The following TFPI variants were observed in gnomAD, a reference collection of about 807,000 sequenced individuals.
TFPI encodes anti-convertin.
In TFPI, 15 loss-of-function variants were observed where a neutral mutation model predicts 34.6. That is an observed-to-expected ratio of 0.43 (90% CI 0.29 to 0.67). The LOEUF (loss-of-function observed/expected upper bound fraction) is 0.67, where lower values mean the gene tolerates loss of function less well. Ranked by LOEUF, TFPI falls within the 30% of genes least tolerant of loss-of-function variation. The pLI is 0.15. For missense variants in TFPI, 301 were observed against 364.0 expected (o/e 0.83, Z 1.41); for synonymous variants, 105 against 120.1 (o/e 0.87, Z 0.82).
At chr2:187,528,255 C>T (rs779498408) in intron 1 of TFPI, among the ~76,000 whole-genome samples, 1 of 152,068 alleles carries the variant, frequency 6.6e-6, no homozygotes, top group Non-Finnish European at 1.5e-5. Flanking sequence ...CCTCTCACAG[C>T]TGGGAATAGG....
chr2:187,489,555 TAAG>T (rs927145558), intron 3 of TFPI, among the ~76,000 whole-genome samples: 57 of 151,606 alleles, frequency 3.8e-4, no homozygotes, highest in Middle Eastern at 3.4e-3. Flanking sequence ...ATTTAATTGA[TAAG>T]AAGAAAGAAA....
At chr2:187,501,207 T>C (rs1685827354) in intron 2 of TFPI, among the ~76,000 whole-genome samples, 1 of 152,134 alleles carries the variant, frequency 6.6e-6, no homozygotes, top group Admixed American at 6.6e-5. Context: ...GTCATATAAA[T>C]AGAATTATGG....
In TFPI at chr2:187,504,556, C is replaced by T. The variant is rs550536375; in HGVS notation, c.-2-786G>A. Among the ~76,000 whole-genome samples, 8 of 142,014 alleles carry T rather than the reference C, an allele frequency of 5.6e-5. No individual in the cohort carries two copies. In the South Asian group the frequency reaches 1.8e-3, roughly 33 times the overall value. 93.2% of individuals were successfully genotyped at this position (142,014 alleles called of 152,430 possible). A position where few individuals can be genotyped will look rare whatever the true frequency, so the allele number is the denominator to read the frequency against. On this transcript the variant is annotated intron_variant, in intron 1 of 7. Transcript: ENST00000233156. ...GTTTCAACGTTGTTTAAAGATCTAT[C>T]GCCAAAAAGGAAAAAAAAAAAAAAG...
chr2:187,505,918 C>T (rs1228692242), intron 1 of TFPI, among the ~76,000 whole-genome samples: 2 of 150,394 alleles, frequency 1.3e-5, no homozygotes, highest in Non-Finnish European at 2.9e-5. Context: ...GGGTGTTAGA[C>T]AGATAAATGA....
At position 187,473,340 on chromosome 2, in the gene TFPI, G is replaced by A. The variant is rs183161461; in HGVS notation, c.629-5408C>T. On this transcript the variant is annotated intron_variant, in intron 6 of 7. Transcript: ENST00000233156. ...TTTTACAAAAAGATACTTTTATGCT[G>A]AGCTTATTCTATATTGTTCGGGCTC... Among the ~76,000 whole-genome samples the A allele has an allele frequency of 1.5e-4, 23 of 152,054 alleles. 1 individual carries two copies. In the East Asian group the frequency reaches 3.9e-3, roughly 26 times the overall value.
intron 3 of TFPI, among the ~76,000 whole-genome samples, chr2:187,491,560 A>ATG (rs1207507579): frequency 3.9e-5 from 6 of 152,222 alleles, no homozygotes; most frequent in African/African-American, 1.2e-4. Context: ...CATGGAGTAT[A>ATG]TGTGTATATA....
intron 1 of TFPI, chr2:187,515,305 T>C (rs566150700): frequency 6.6e-6 from 1 of 152,370 alleles, no homozygotes; most frequent in South Asian, 2.1e-4. Flanking sequence ...ACTAACTAGA[T>C]ACCAAAGCTT....
intron 1 of TFPI, among the ~76,000 whole-genome samples, chr2:187,534,296 A>G (rs1034112821): frequency 1.3e-5 from 2 of 152,220 alleles, no homozygotes; most frequent in Non-Finnish European, 1.5e-5. Context: ...AATGAAGGAA[A>G]AAATGTTAAG....
chr2:187,550,931 G>C (rs1202245134), intron 1 of TFPI, among the ~76,000 whole-genome samples: 1 of 152,088 alleles, frequency 6.6e-6, no homozygotes, highest in African/African-American at 2.4e-5. Flanking sequence ...TAGAATTCAA[G>C]GACTGGATAG....
At chr2:187,520,528 C>G (rs1021279811) in intron 1 of TFPI, 1 of 152,226 alleles carries the variant, frequency 6.6e-6, no homozygotes, top group Non-Finnish European at 1.5e-5. Flanking sequence ...GCTGGAAATG[C>G]AGAAATCACC....
At chr2:187,539,672 GAGA>G (rs1451507924) in intron 1 of TFPI, among the ~76,000 whole-genome samples, 1 of 152,104 alleles carries the variant, frequency 6.6e-6, no homozygotes, top group Non-Finnish European at 1.5e-5. Context: ...AAAGTAGATA[GAGA>G]GCTAGAAAAA....
At chr2:187,486,539 A>G (rs1393880664) in intron 4 of TFPI, among the ~76,000 whole-genome samples, 1 of 151,668 alleles carries the variant, frequency 6.6e-6, no homozygotes, top group Non-Finnish European at 1.5e-5. Flanking sequence ...AAACTGTACA[A>G]CTGAAAGTTG....
intron 3 of TFPI, among the ~76,000 whole-genome samples, chr2:187,495,025 A>G (rs968663150): frequency 7.9e-5 from 12 of 152,154 alleles, no homozygotes; most frequent in African/African-American, 2.9e-4. Context: ...ACCCAGCCTC[A>G]AGTGAATTTT....
intron 1 of TFPI, among the ~76,000 whole-genome samples, chr2:187,548,067 C>T (rs1688960580): frequency 6.6e-6 from 1 of 151,942 alleles, no homozygotes; most frequent in Admixed American, 6.6e-5. Context: ...TAATGCTCAG[C>T]TTTAAAGACA....
At chr2:187,513,328 C>G (rs1024143273) in intron 1 of TFPI, among the ~76,000 whole-genome samples, 17 of 152,146 alleles carry the variant, frequency 1.1e-4, no homozygotes, top group Non-Finnish European at 2.9e-5. Context: ...CTATAAAAAT[C>G]TTACCTTATG....
At chr2:187,502,062 G>T (rs1340508104) in intron 2 of TFPI, among the ~76,000 whole-genome samples, 1 of 152,038 alleles carries the variant, frequency 6.6e-6, no homozygotes, top group East Asian at 1.9e-4. Flanking sequence ...GTGAGATAAG[G>T]TTATTATAAA....
intron 6 of TFPI, among the ~76,000 whole-genome samples, chr2:187,471,516 A>G (rs1453766279): frequency 6.6e-6 from 1 of 152,170 alleles, no homozygotes; most frequent in Non-Finnish European, 1.5e-5. Context: ...AAGATAGAAT[A>G]AAAAGACACT....
chr2:187,501,369 T>C (rs1365167886), intron 2 of TFPI, among the ~76,000 whole-genome samples: 1 of 146,256 alleles, frequency 6.8e-6, no homozygotes, highest in Non-Finnish European at 1.5e-5. Context: ...AAACATATCA[T>C]GCCCTTGACT....
chr2:187,498,787 T>A (rs1685654381), intron 2 of TFPI, among the ~76,000 whole-genome samples: 1 of 151,882 alleles, frequency 6.6e-6, no homozygotes, highest in South Asian at 2.1e-4. Context: ...TAACTTAGAA[T>A]AACATATGAC....
Sources: allele counts gnomAD v4.1 joint callset (sites outside exome capture counted in the v4.1 genomes callset), GRCh38; gene constraint gnomAD v4.1.1; transcripts MANE v1.5; gene names NCBI Gene and HGNC (gene_info 2026-07-23, HGNC 2026-07-21).